CARD10: variants seen among roughly 807,000 people sequenced by gnomAD.
CARD10 encodes the protein caspase recruitment domain-containing protein 10.
CARD10 carries 49 observed loss-of-function variants against 114.6 expected under a neutral mutation model. The observed-to-expected ratio is 0.43, with a 90% CI of 0.34 to 0.54. The LOEUF (loss-of-function observed/expected upper bound fraction) is 0.54. Among genes scored for constraint, CARD10 ranks in the 20% least tolerant of loss-of-function variants. The probability of loss-of-function intolerance (pLI) is 0.03; values close to 1 mark genes in which losing one functional copy is unlikely to be tolerated. For synonymous variants in CARD10, 602 were observed against 593.2 expected (o/e 1.01, Z -0.21); for missense variants, 1,206 against 1,397.2 (o/e 0.86, Z 2.18).
At chr22:37,508,233 A>G in intron 5 of CARD10, among the ~76,000 whole-genome samples, 1 of 152,134 alleles carries the variant, frequency 6.6e-6, no homozygotes, top group African/African-American at 2.4e-5. Context: ...CCAGCTCTGC[A>G]TCTCCCACGG....
rs1923021830 is a variant in CARD10 at position 37,496,832 on chromosome 22, T to C, written c.1947+187A>G. On this transcript the variant is annotated intron_variant, in intron 12 of 19. Coordinates refer to ENST00000251973, the MANE Select transcript of CARD10 (RefSeq NM_014550.4). The surrounding 1 kb of genome is among the most constrained non-coding windows in gnomAD (Gnocchi z 4.1). Reference sequence around the variant, plus strand: ...GCTGTCAGTTGGCTCCACCTCCCAGTCCCTGCCCAATCAGACTTCAATTAA... The same window carrying C: ...GCTGTCAGTTGGCTCCACCTCCCAGCCCCTGCCCAATCAGACTTCAATTAA... The C allele has an allele frequency of 2.7e-6, 2 of 740,654 alleles. No individual in the cohort carries two copies. The highest frequency in any genetic ancestry group is 4.4e-6 in the Non-Finnish European group (2 of 449,490). The allele number at this position is 740,654 out of a possible 1,614,324, so 45.9% of individuals were successfully genotyped here. A position where few individuals can be genotyped will look rare whatever the true frequency, so the allele number is the denominator to read the frequency against.
chr22:37,495,116 C>G (rs1036831453), intron 15 of CARD10, among the ~76,000 whole-genome samples: 1 of 152,210 alleles, frequency 6.6e-6, no homozygotes, highest in Non-Finnish European at 1.5e-5. Context: ...GCACCCGCCA[C>G]CACGCCCGGC....
At position 37,510,598 on chromosome 22, in the gene CARD10, A is replaced by T. The variant is rs9622630; in HGVS notation, c.700-177T>A. On this transcript the variant is annotated intron_variant, in intron 3 of 19. Coordinates refer to ENST00000251973, the MANE Select transcript of CARD10 (RefSeq NM_014550.4). ...AGGACAGGCTGGACAGATATAAAAC[A>T]AACAGGGCTGAGGAAGGAGCAGTGG... is the stretch of plus-strand genomic sequence containing the variant. The T allele has an allele frequency of 1.7e-3, 995 of 601,344 alleles. 12 individuals are homozygous for T. In the African/African-American group the frequency reaches 0.017, roughly 10 times the overall value. The allele number at this position is 601,344 out of a possible 1,614,324, so 37.3% of individuals were successfully genotyped here.
intron 19 of CARD10, among the ~76,000 whole-genome samples, 181 bp from the exon 20 acceptor site, chr22:37,491,574 G>A (rs1368018019): frequency 8.7e-5 from 1 of 11,450 alleles, no homozygotes; most frequent in Non-Finnish European, 1.9e-4. Flanking sequence ...ACGGGGGAGG[G>A]AGGGGGGAGG....
rs1364339033 is a variant in CARD10 at position 37,492,659 on chromosome 22, G to C, written c.2620C>G (p.Gln874Glu). ...LDLPSSRLDF[Q>E]VCPAESLSGE... Reference sequence around the variant, plus strand: ...ATAGTCTCACCCGCTGGGCACACTTGGAAGTCCAGCCGGGAGCTGGGCAGG... The same window carrying C: ...ATAGTCTCACCCGCTGGGCACACTTCGAAGTCCAGCCGGGAGCTGGGCAGG... The change falls in exon 17 of 20, where the codon CAA becomes GAA. Residue 874 changes from glutamine (Q) to glutamate (E), a missense_variant. By Grantham distance (29) the Gln-to-Glu change is conservative. Around this residue, in one of 2 missense-constraint regions of CARD10, gnomAD observed 1,068 missense variants for 1,179.1 expected, o/e 0.91. Coordinates refer to ENST00000251973, the MANE Select transcript of CARD10 (RefSeq NM_014550.4). The surrounding 1 kb of genome is among the most constrained non-coding windows in gnomAD (Gnocchi z 5.7). The C allele has an allele frequency of 6.2e-7, 1 of 1,612,904 alleles. No homozygotes were observed. The highest frequency in any genetic ancestry group is 1.3e-5 in the African/African-American group (1 of 75,034).
chr22:37,490,870 T>C lies in CARD10; in HGVS notation c.*289A>G. 1 of 475,670 alleles carries C rather than the reference T, an allele frequency of 2.1e-6. No homozygotes were observed. The highest frequency in any genetic ancestry group is 3.8e-6 in the Non-Finnish European group (1 of 264,778). 29.5% of individuals were successfully genotyped at this position (475,670 alleles called of 1,614,324 possible). A position where few individuals can be genotyped will look rare whatever the true frequency, so the allele number is the denominator to read the frequency against. On this transcript the variant is annotated 3_prime_UTR_variant, in exon 20 of 20. Transcript: ENST00000251973. Reference sequence around the variant, plus strand: ...GTGAGAACAGACTCCAGGGCGAGTGTTTAAGGAGAAGACACAGACACACAT... The same window carrying C: ...GTGAGAACAGACTCCAGGGCGAGTGCTTAAGGAGAAGACACAGACACACAT...
Position 37,519,314 on chromosome 22 carries a change from G to A in CARD10, c.-114C>T. 2 of 1,340,844 alleles carry A rather than the reference G, an allele frequency of 1.5e-6. No individual in the cohort carries two copies. The highest frequency in any genetic ancestry group is 1.9e-6 in the Non-Finnish European group (2 of 1,049,430). The allele number at this position is 1,340,844 out of a possible 1,614,324, so 83.1% of individuals were successfully genotyped here. On this transcript the variant is annotated 5_prime_UTR_variant, in exon 1 of 20. Coordinates refer to ENST00000251973, the MANE Select transcript of CARD10 (RefSeq NM_014550.4). The surrounding 1 kb of genome is among the most constrained non-coding windows in gnomAD (Gnocchi z 4.1). Reference sequence around the variant, plus strand: ...GCGTCGTCCGCAGACCCGCCGTCGGGGGCGCGCCCCGAGCTCCCCGCGACT... The same window carrying A: ...GCGTCGTCCGCAGACCCGCCGTCGGAGGCGCGCCCCGAGCTCCCCGCGACT...
chr22:37,518,235 G>T, intron 1 of CARD10, 127 bp from the exon 2 acceptor site: 1 of 848,772 alleles, frequency 1.2e-6, no homozygotes. Context: ...CACACACAGG[G>T]GCCTGTCCCA....
chr22:37,519,398 C>G lies in CARD10; in HGVS notation c.-198G>C. ...GGTCCGCACTCGGGCGGCGGCTCCG[C>G]CGGCGCAGGGGGGCGGTGCCCGTGG... On this transcript the variant is annotated 5_prime_UTR_variant, in exon 1 of 20. Transcript: ENST00000251973. This position sits in a 1 kb window ranked among gnomAD's most constrained non-coding sequence, Gnocchi z 4.1. The G allele has an allele frequency of 8.4e-7, 1 of 1,196,242 alleles. No individual in the cohort carries two copies. The highest frequency in any genetic ancestry group is 1.0e-6 in the Non-Finnish European group (1 of 965,530). The allele number at this position is 1,196,242 out of a possible 1,614,324, so 74.1% of individuals were successfully genotyped here.
intron 3 of CARD10, 28 bp from the exon 4 acceptor site, chr22:37,510,449 G>A: frequency 1.2e-6 from 2 of 1,604,948 alleles, no homozygotes; most frequent in African/African-American, 1.3e-5. Flanking sequence ...GGTCAGCCCA[G>A]AGGGAGACAC....
intron 3 of CARD10, among the ~76,000 whole-genome samples, chr22:37,515,242 G>A (rs1923796886): frequency 6.6e-6 from 1 of 152,186 alleles, no homozygotes; most frequent in Non-Finnish European, 1.5e-5. Flanking sequence ...CAGTGTGCTA[G>A]GGACTGTACA....
chr22:37,519,414 G>C lies in CARD10; in HGVS notation c.-214C>G. The C allele has an allele frequency of 3.4e-6, 4 of 1,170,484 alleles. No homozygotes were observed. The highest frequency in any genetic ancestry group is 4.2e-6 in the Non-Finnish European group (4 of 948,214). 72.5% of individuals were successfully genotyped at this position (1,170,484 alleles called of 1,614,324 possible). A position where few individuals can be genotyped will look rare whatever the true frequency, so the allele number is the denominator to read the frequency against. On this transcript the variant is annotated 5_prime_UTR_variant, in exon 1 of 20. Coordinates refer to ENST00000251973, the MANE Select transcript of CARD10 (RefSeq NM_014550.4). This position sits in a 1 kb window ranked among gnomAD's most constrained non-coding sequence, Gnocchi z 4.1. ...GCGGCTCCGCCGGCGCAGGGGGGCGGTGCCCGTGGCGCCCCCGGCTCCGCC... is the reference window on the plus strand; with the variant it reads ...GCGGCTCCGCCGGCGCAGGGGGGCGCTGCCCGTGGCGCCCCCGGCTCCGCC...
intron 4 of CARD10, 114 bp from the exon 5 acceptor site, chr22:37,508,796 C>T: frequency 2.3e-6 from 3 of 1,283,734 alleles, no homozygotes; most frequent in Non-Finnish European, 3.2e-6. Flanking sequence ...CCAGCTCTGC[C>T]ATGCTGGCCC....
chr22:37,502,634 C>A lies in CARD10; in HGVS notation c.1755G>T (p.Leu585=), dbSNP rs1283881282. Residue 585 remains leucine, a synonymous_variant, in exon 11 of 20, where the codon CTG becomes CTT. Transcript: ENST00000251973. ...GGAAGTCCAGGCCACAGCCCCGAGC[C>A]AGGAGGCCTTCCGGCTTTCCCAAAG... is the stretch of plus-strand genomic sequence containing the variant. The part of the protein sequence containing the change: ...VWPLGKPEGL[L]ARGCGLDFLN... 1.4e-5 allele frequency: 23 copies of A among 1,613,978 alleles called. No individual in the cohort carries two copies. Among genetic ancestry groups the A allele is most frequent in the Non-Finnish European group, 1.9e-5 (23 of 1,179,980 alleles).
rs1601821187 is a variant in CARD10, at chr22:37,517,990, C to T, written c.354G>A (p.Gln118=). 6.2e-7 allele frequency: 1 copy of T among 1,614,002 alleles called. No homozygotes were observed. The highest frequency in any genetic ancestry group is 2.2e-5 in the East Asian group (1 of 44,874). The change falls in exon 2 of 20, where the codon CAG becomes CAA. Residue 118 remains glutamine, a synonymous_variant. Coordinates refer to ENST00000251973, the MANE Select transcript of CARD10 (RefSeq NM_014550.4). ...ACTCACCGAGGATCATGGAGCAGCG[C>T]TGGGCGGGTTCCTGGCCCGTGAGCA... is the stretch of plus-strand genomic sequence containing the variant. ...FTLLTGQEPA[Q]RCSMILDEEG...
chr22:37,504,673 C>T lies in CARD10; in HGVS notation c.1480G>A (p.Glu494Lys), dbSNP rs1302454238. 1.3e-6 allele frequency: 2 copies of T among 1,566,408 alleles called. No individual in the cohort carries two copies. The highest frequency in any genetic ancestry group is 2.4e-5 in the South Asian group (2 of 83,278). The change falls in exon 8 of 20, where the codon GAG becomes AAG. Residue 494 changes from glutamate (E) to lysine (K), a missense_variant. Transcript: ENST00000251973. ...TCAGGTCCCCCCATGACAGCTGCCT[C>T]CCCAGTTGCTTCTGGGCCTCCCAGA... ...SPLGGPEATG[E>K]AAVMGGPEPH...
At chr22:37,514,517 C>T (rs1464522891) in intron 3 of CARD10, 2 of 152,480 alleles carry the variant, frequency 1.3e-5, no homozygotes, top group East Asian at 1.9e-4. Context: ...TCAAACCAGC[C>T]ACCTACATCC....
chr22:37,494,419 A>G (rs946362701), intron 15 of CARD10: 6 of 573,904 alleles, frequency 1.0e-5, no homozygotes, highest in Non-Finnish European at 1.9e-5. Flanking sequence ...GGCCCCCGGG[A>G]AGCCAGCCCG....
At chr22:37,509,555 G>A (rs1403498824) in intron 4 of CARD10, among the ~76,000 whole-genome samples, 1 of 149,838 alleles carries the variant, frequency 6.7e-6, no homozygotes, top group Non-Finnish European at 1.5e-5. Context: ...CAGCAAGAGG[G>A]CCTGTTTTCC....
Sources: allele counts gnomAD v4.1 joint callset (sites outside exome capture counted in the v4.1 genomes callset), GRCh38; gene constraint gnomAD v4.1.1; regional missense constraint gnomAD v4.1.1; non-coding constraint Gnocchi (gnomAD v3.1); transcripts MANE v1.5; gene names NCBI Gene and HGNC (gene_info 2026-07-23, HGNC 2026-07-21).